Variants in CAPN15 observed in about 807,000 individuals in gnomAD.
CAPN15 encodes calpain 15.
CAPN15 carries 53 observed loss-of-function variants against 97.9 expected under a neutral mutation model. The observed-to-expected ratio is 0.54, with a 90% confidence interval of 0.43 to 0.68. The LOEUF is 0.68. CAPN15 is among the 30% of genes least tolerant of loss of function. CAPN15 has a pLI of 0.00. For missense variants in CAPN15, 1,592 were observed against 1,589.8 expected (o/e 1.00, Z -0.02); for synonymous variants, 922 against 722.5 (o/e 1.28, Z -4.43).
chr16:545,480 G>A (rs530792216), intron 3 of CAPN15, among the ~76,000 whole-genome samples: 7 of 152,300 alleles, frequency 4.6e-5, no homozygotes, highest in East Asian at 1.9e-4. Context: ...CTCCTCACCC[G>A]TGTCCCGGGG....
chr16:553,553 C>T lies in CAPN15; in HGVS notation c.*37C>T, dbSNP rs373297984. ...GGGGCAGGGGCTGTGCACAGACGGACCCCCCACCCCCACACGCACTTTATG... is the reference window on the plus strand; with the variant it reads ...GGGGCAGGGGCTGTGCACAGACGGATCCCCCACCCCCACACGCACTTTATG... On this transcript the variant is annotated 3_prime_UTR_variant, in exon 14 of 14. Coordinates refer to ENST00000219611, the MANE Select transcript of CAPN15 (RefSeq NM_005632.3). 6,733 of 1,334,964 alleles carry T rather than the reference C, an allele frequency of 5.0e-3. 20 individuals carry two copies. The highest frequency in any genetic ancestry group is 6.1e-3 in the Non-Finnish European group (5,824 of 957,616). 82.7% of individuals were successfully genotyped at this position (1,334,964 alleles called of 1,614,324 possible). A position where few individuals can be genotyped will look rare whatever the true frequency, so the allele number is the denominator to read the frequency against.
At position 554,362 on chromosome 16, in the gene CAPN15, C is replaced by T. The variant is rs2035304382; in HGVS notation, c.*846C>T. On this transcript the variant is annotated 3_prime_UTR_variant, in exon 14 of 14. Coordinates refer to ENST00000219611, the MANE Select transcript of CAPN15 (RefSeq NM_005632.3). ...CCAGCTTTCTGCGTGCCCTCCTGGC[C>T]CCTCACTCCCGGCAGCGGGCCGGCC... 5.2e-6 allele frequency: 2 copies of T among 386,522 alleles called. No individual in the cohort carries two copies. The highest frequency in any genetic ancestry group is 1.0e-5 in the Non-Finnish European group (2 of 194,868). 23.9% of individuals were successfully genotyped at this position (386,522 alleles called of 1,614,324 possible). A position where few individuals can be genotyped will look rare whatever the true frequency, so the allele number is the denominator to read the frequency against.
rs571060491 is a variant in CAPN15, at chr16:527,892, C to A, written c.-327C>A. 1 of 146,078 alleles carries A rather than the reference C, an allele frequency of 6.8e-6. No individual in the cohort carries two copies. The highest frequency in any genetic ancestry group is 1.5e-5 in the Non-Finnish European group (1 of 65,634). 9.0% of individuals were successfully genotyped at this position (146,078 alleles called of 1,614,324 possible). A position where few individuals can be genotyped will look rare whatever the true frequency, so the allele number is the denominator to read the frequency against. On this transcript the variant is annotated 5_prime_UTR_variant, in exon 1 of 14. Transcript: ENST00000219611. ...GAGGAGCGGGAGGCCGTCCGGGCAG[C>A]GCGGCCGGCGGCGAGAGGGGCCCCG...
In CAPN15 at chr16:548,306, C is replaced by A; in HGVS notation, c.1449+19C>A. 6.9e-7 allele frequency: 1 copy of A among 1,452,844 alleles called. No individual in the cohort carries two copies. The highest frequency in any genetic ancestry group is 1.4e-5 in the South Asian group (1 of 69,432). 90.0% of individuals were successfully genotyped at this position (1,452,844 alleles called of 1,614,324 possible). A position where few individuals can be genotyped will look rare whatever the true frequency, so the allele number is the denominator to read the frequency against. Reference sequence around the variant, plus strand: ...CCGGGAGGTGAGGCGCCCCCTCGCCCTCTTCCTGCTCCTGAGCCTCCTGCT... The same window carrying A: ...CCGGGAGGTGAGGCGCCCCCTCGCCATCTTCCTGCTCCTGAGCCTCCTGCT... On this transcript the variant is annotated intron_variant, in intron 4 of 13. Coordinates refer to ENST00000219611, the MANE Select transcript of CAPN15 (RefSeq NM_005632.3).
rs142289620 is a variant in CAPN15 at position 533,152 on chromosome 16, C to T, written c.-189-794C>T. Among the ~76,000 whole-genome samples the T allele has an allele frequency of 7.8e-3, 1,177 of 151,540 alleles. 5 individuals carry two copies. The highest frequency in any genetic ancestry group is 0.014 in the Non-Finnish European group (942 of 67,808). On this transcript the variant is annotated intron_variant, in intron 1 of 13. Transcript: ENST00000219611. ...AGGAGAATAGCTTGAACCTGGGAGG[C>T]GGAGGCTGCAGTGAGCTGAGATTGC...
chr16:549,329 T>G lies in CAPN15; in HGVS notation c.1700T>G (p.Leu567Arg). 1 of 1,594,782 alleles carries G rather than the reference T, an allele frequency of 6.3e-7. No individual in the cohort carries two copies. The highest frequency in any genetic ancestry group is 8.5e-7 in the Non-Finnish European group (1 of 1,177,238). ...GCGGTGCTGGCGGAGCGGCCGGACC[T>G]GGTGGAGCGGGTGATGGTCACGCGC... ...ALAVLAERPD[L>R]VERVMVTRSL... The change falls in exon 6 of 14, where the codon CTG (leucine) becomes CGG (arginine). Residue 567 changes from leucine to arginine, a missense_variant. Transcript: ENST00000219611.
chr16:540,282 T>C (rs2034023620), intron 3 of CAPN15: 2 of 985,288 alleles, frequency 2.0e-6, no homozygotes, highest in Non-Finnish European at 2.4e-6. Context: ...CGGCAGCGGC[T>C]GGCTGGTGTA....
chr16:547,807 C>T lies in CAPN15; in HGVS notation c.969C>T (p.Asp323=), dbSNP rs2034701439. 6 of 1,612,004 alleles carry T rather than the reference C, an allele frequency of 3.7e-6. No homozygotes were observed. Among genetic ancestry groups the T allele is most frequent in the Non-Finnish European group, 5.1e-6 (6 of 1,179,648 alleles). ...CCACCTCGGGCAGTGACATCATTGA[C>T]CTGGCCGGAGACACCGTGCGTTACA... ...GSSTSGSDII[D]LAGDTVRYTP... The change falls in exon 4 of 14, where the codon GAC becomes GAT. Residue 323 remains aspartate, a synonymous_variant. Transcript: ENST00000219611.
intron 7 of CAPN15, among the ~76,000 whole-genome samples, chr16:551,050 T>G (rs1596358423): frequency 9.8e-6 from 1 of 102,380 alleles, no homozygotes. Context: ...CCCCGGTCGG[T>G]GAGGGTCCCC....
At chr16:551,834 C>T (rs2035102694) in intron 9 of CAPN15, 170 bp downstream of exon 9, 2 of 1,026,978 alleles carry the variant, frequency 1.9e-6, no homozygotes, top group East Asian at 2.6e-5. Flanking sequence ...AATTCAGGTC[C>T]ACCCAGGTCA....
intron 1 of CAPN15, among the ~76,000 whole-genome samples, 176 bp downstream of exon 1, chr16:528,205 C>A (rs2032991291): frequency 6.6e-6 from 1 of 151,702 alleles, no homozygotes; most frequent in African/African-American, 2.4e-5. Flanking sequence ...GTGGGGTCAG[C>A]CCGCCGCCCG....
chr16:553,814 C>A lies in CAPN15; in HGVS notation c.*298C>A, dbSNP rs2035276014. On this transcript the variant is annotated 3_prime_UTR_variant, in exon 14 of 14. Transcript: ENST00000219611. Reference sequence around the variant, plus strand: ...ACACCCGACGGGGGCCGAGGCCAGGCTGCCCCTCCCTGTGGGCTCAGGGTC... The same window carrying A: ...ACACCCGACGGGGGCCGAGGCCAGGATGCCCCTCCCTGTGGGCTCAGGGTC... 9.4e-6 allele frequency: 3 copies of A among 320,324 alleles called. No individual in the cohort carries two copies. The South Asian group carries it at 2.6e-4, about 27-fold the overall frequency. The allele number at this position is 320,324 out of a possible 1,614,324, so 19.8% of individuals were successfully genotyped here.
In CAPN15 at chr16:536,053, G is replaced by C. The variant is rs548756707; in HGVS notation, c.-112G>C. On this transcript the variant is annotated 5_prime_UTR_variant, in exon 3 of 14. Coordinates refer to ENST00000219611, the MANE Select transcript of CAPN15 (RefSeq NM_005632.3). Reference sequence around the variant, plus strand: ...GACAGGGAGCCAGGATGGGAACCACGGACTGACCTGACCTGCGTCCTCGGG... The same window carrying C: ...GACAGGGAGCCAGGATGGGAACCACCGACTGACCTGACCTGCGTCCTCGGG... 3.4e-6 allele frequency: 3 copies of C among 889,822 alleles called. No individual in the cohort carries two copies. Among genetic ancestry groups the C allele is most frequent in the African/African-American group, 4.1e-5 (2 of 49,146 alleles). 55.1% of individuals were successfully genotyped at this position (889,822 alleles called of 1,614,324 possible). A position where few individuals can be genotyped will look rare whatever the true frequency, so the allele number is the denominator to read the frequency against.
chr16:541,571 G>A (rs1348123441), intron 3 of CAPN15, among the ~76,000 whole-genome samples: 1 of 152,234 alleles, frequency 6.6e-6, no homozygotes, highest in South Asian at 2.1e-4. Flanking sequence ...GCCTCCCAGT[G>A]AGCATCTCCA....
In CAPN15 at chr16:553,564, C is replaced by T. The variant is rs775377549; in HGVS notation, c.*48C>T. ...TGTGCACAGACGGACCCCCCACCCC[C>T]ACACGCACTTTATGAGGGAGACCCC... On this transcript the variant is annotated 3_prime_UTR_variant, in exon 14 of 14. Coordinates refer to ENST00000219611, the MANE Select transcript of CAPN15 (RefSeq NM_005632.3). 2.4e-6 allele frequency: 3 copies of T among 1,251,270 alleles called. No homozygotes were observed. In the Admixed American group the frequency reaches 5.9e-5, roughly 25 times the overall value. 77.5% of individuals were successfully genotyped at this position (1,251,270 alleles called of 1,614,324 possible). A position where few individuals can be genotyped will look rare whatever the true frequency, so the allele number is the denominator to read the frequency against.
rs746941603 is a variant in CAPN15, at chr16:548,172, G to A, written c.1334G>A (p.Arg445Gln). 8.5e-6 allele frequency: 13 copies of A among 1,531,004 alleles called. No individual in the cohort carries two copies. The highest frequency in any genetic ancestry group is 1.7e-4 in the Middle Eastern group (1 of 5,904). The allele number at this position is 1,531,004 out of a possible 1,614,324, so 94.8% of individuals were successfully genotyped here. The change falls in exon 4 of 14, where the codon CGG becomes CAG. Residue 445 changes from arginine (R) to glutamine (Q), a missense_variant. Around this residue, in one of 3 missense-constraint regions of CAPN15, gnomAD observed 883 missense variants for 776.6 expected, o/e 1.14. Coordinates refer to ENST00000219611, the MANE Select transcript of CAPN15 (RefSeq NM_005632.3). ...CHTPQLLVAQ[R>Q]RGAAPLRRRE... ...ACGCCTCAGCTCCTGGTGGCCCAGCGGCGGGGGGCCGCGCCCCTGAGGCGC... is the reference window on the plus strand; with the variant it reads ...ACGCCTCAGCTCCTGGTGGCCCAGCAGCGGGGGGCCGCGCCCCTGAGGCGC...
In CAPN15 at chr16:552,791, G is replaced by T. The variant is rs556218259; in HGVS notation, c.2904+20G>T. ...CACGAGGTGGGTGGGGGTCCCGGGG[G>T]AGGGTGGCGTGGGGCAGGGGGAGTA... On this transcript the variant is annotated intron_variant, in intron 12 of 13. Transcript: ENST00000219611. This position sits in a 1 kb window ranked among gnomAD's most constrained non-coding sequence, Gnocchi z 6.4. 7 of 1,529,292 alleles carry T rather than the reference G, an allele frequency of 4.6e-6. No homozygotes were observed. In the African/African-American group the frequency reaches 9.7e-5, roughly 21 times the overall value. 94.7% of individuals were successfully genotyped at this position (1,529,292 alleles called of 1,614,324 possible). A position where few individuals can be genotyped will look rare whatever the true frequency, so the allele number is the denominator to read the frequency against.
At chr16:532,415 C>T (rs1279272658) in intron 1 of CAPN15, among the ~76,000 whole-genome samples, 151 of 132,212 alleles carry the variant, frequency 1.1e-3, no homozygotes, top group Middle Eastern at 0.011. Flanking sequence ...ATTAGCTGGG[C>T]GTGGTGGTGT....
Position 547,625 on chromosome 16 carries a change from G to C in CAPN15, c.787G>C (p.Ala263Pro), listed in dbSNP as rs912104078. ...PQLQPPVPEA[A>P]QPSPSAGCRG... ...GCTGCAGCCACCGGTGCCTGAGGCT[G>C]CCCAGCCGTCACCCTCTGCCGGCTG... The change falls in exon 4 of 14, where the codon GCC (alanine) becomes CCC (proline). Residue 263 changes from alanine to proline, a missense_variant. Physicochemically the swap from Ala to Pro is conservative, Grantham distance 27. Around this residue, in one of 3 missense-constraint regions of CAPN15, gnomAD observed 883 missense variants for 776.6 expected, o/e 1.14. Coordinates refer to ENST00000219611, the MANE Select transcript of CAPN15 (RefSeq NM_005632.3). 1 of 1,568,320 alleles carries C rather than the reference G, an allele frequency of 6.4e-7. No homozygotes were observed.
Sources: allele counts gnomAD v4.1 joint callset (sites outside exome capture counted in the v4.1 genomes callset), GRCh38; gene constraint gnomAD v4.1.1; regional missense constraint gnomAD v4.1.1; non-coding constraint Gnocchi (gnomAD v3.1); transcripts MANE v1.5; gene names NCBI Gene and HGNC (gene_info 2026-07-23, HGNC 2026-07-21).